Variants in DIS3L2 observed in about 807,000 individuals in gnomAD.
The protein encoded by DIS3L2 is DIS3 like 3'-5' exoribonuclease 2.
In DIS3L2, 34 loss-of-function variants were observed where a neutral mutation model predicts 97.5. The observed-to-expected ratio is 0.35, with a 90% CI of 0.27 to 0.46. The LOEUF is 0.46. Among genes scored for constraint, DIS3L2 ranks in the 20% least tolerant of loss-of-function variants. DIS3L2 has a pLI of 1.00. For synonymous variants in DIS3L2, 435 were observed against 445.2 expected (o/e 0.98, Z 0.29); for missense variants, 1,038 against 1,146.0 (o/e 0.91, Z 1.36).
intron 9 of DIS3L2, among the ~76,000 whole-genome samples, chr2:232,182,354 A>G (rs1447726172): frequency 6.6e-6 from 1 of 152,202 alleles, no homozygotes; most frequent in Admixed American, 6.5e-5. Context: ...GGTGTGGAGA[A>G]TGTTCCATAT....
At chr2:232,106,374 A>G (rs1477846239) in intron 6 of DIS3L2, among the ~76,000 whole-genome samples, 1 of 152,212 alleles carries the variant, frequency 6.6e-6, no homozygotes, top group African/African-American at 2.4e-5. Flanking sequence ...AGGAAGATTT[A>G]CCAAGCAAAT....
chr2:232,249,122 C>T (rs867847300), intron 11 of DIS3L2, 117 bp from the exon 12 acceptor site: 1 of 902,184 alleles, frequency 1.1e-6, no homozygotes, highest in Non-Finnish European at 1.7e-6. Flanking sequence ...GGAACAGAGC[C>T]ACCTCCATCT....
At chr2:232,270,860 GTCTCTCTCTCTCTCTCTCTCTCTCTC>G (rs71056262) in intron 13 of DIS3L2, among the ~76,000 whole-genome samples, 87 of 103,876 alleles carry the variant, frequency 8.4e-4, no homozygotes, top group African/African-American at 2.6e-3. Context: ...TCTTTTTCTC[GTCTCTCTCTCTCTCTCTCTCTCTCTC>G]TCTCTCTCTC....
At chr2:232,106,392 A>G (rs761469281) in intron 6 of DIS3L2, among the ~76,000 whole-genome samples, 4 of 152,354 alleles carry the variant, frequency 2.6e-5, no homozygotes, top group Non-Finnish European at 4.4e-5. Context: ...AATGGAAAAC[A>G]GAAGAAACCA....
At position 232,143,117 on chromosome 2, in the gene DIS3L2, C is replaced by G. The variant is rs75750824; in HGVS notation, c.950+6398C>G. Among the ~76,000 whole-genome samples, 1,001 of 152,206 alleles carry G rather than the reference C, an allele frequency of 6.6e-3. 16 individuals are homozygous for G. The highest frequency in any genetic ancestry group is 0.023 in the African/African-American group (970 of 41,532). ...ACACTAATCTTGACTATTTAATGTT[C>G]CTGTTTTCTTTAAGGCAAAGAGGCC... is the stretch of plus-strand genomic sequence containing the variant. On this transcript the variant is annotated intron_variant, in intron 8 of 20. Coordinates refer to ENST00000325385, the MANE Select transcript of DIS3L2 (RefSeq NM_152383.5).
At chr2:232,313,667 A>G (rs1346460490) in intron 14 of DIS3L2, among the ~76,000 whole-genome samples, 1 of 152,112 alleles carries the variant, frequency 6.6e-6, no homozygotes, top group Non-Finnish European at 1.5e-5. Flanking sequence ...GTAACCTCCT[A>G]CCCCAAATCT....
chr2:232,214,656 C>A (rs1692283827), intron 10 of DIS3L2, among the ~76,000 whole-genome samples: 1 of 152,154 alleles, frequency 6.6e-6, no homozygotes, highest in African/African-American at 2.4e-5. Context: ...ACTGCGCCTC[C>A]CTGGCTATCA....
chr2:232,130,879 C>A, intron 7 of DIS3L2, 160 bp downstream of exon 7: 7 of 1,077,516 alleles, frequency 6.5e-6, no homozygotes, highest in Non-Finnish European at 8.7e-6. Flanking sequence ...AAACTTTAAA[C>A]ATATAAATAC....
chr2:232,086,650 T>TATACAC (rs1696648830), intron 5 of DIS3L2, among the ~76,000 whole-genome samples: 1 of 48,650 alleles, frequency 2.1e-5, no homozygotes, highest in African/African-American at 1.2e-4. Context: ...TATATGTATA[T>TATACAC]ATATATATAT....
intron 5 of DIS3L2, among the ~76,000 whole-genome samples, chr2:232,052,110 G>A (rs1280547481): frequency 4.0e-5 from 6 of 151,116 alleles, no homozygotes; most frequent in East Asian, 3.9e-4. Flanking sequence ...TGCAACCTCC[G>A]TCTCCTGGTT....
chr2:232,330,585 T>G, intron 15 of DIS3L2, 105 bp from the exon 16 acceptor site: 1 of 1,165,482 alleles, frequency 8.6e-7, no homozygotes, highest in Non-Finnish European at 1.3e-6. Context: ...CACAGGCAAC[T>G]CCTCCCCCCA....
chr2:232,329,789 T>TGGGGGG, intron 14 of DIS3L2, 24 bp from the exon 15 acceptor site: 1 of 368,622 alleles, frequency 2.7e-6, no homozygotes, highest in Non-Finnish European at 5.1e-6. Flanking sequence ...CAGCGGTCCC[T>TGGGGGG]CCCATCCCAC....
At chr2:232,057,576 C>G (rs1041694201) in intron 5 of DIS3L2, among the ~76,000 whole-genome samples, 5 of 152,034 alleles carry the variant, frequency 3.3e-5, no homozygotes, top group African/African-American at 1.2e-4. Context: ...AGTTTTATAG[C>G]TCCAAGAAAA....
At position 232,086,645 on chromosome 2, in the gene DIS3L2, GTATATATATA is replaced by G. The variant is rs1308028353; in HGVS notation, c.367-836_367-827del. Reference sequence around the variant, plus strand: ...TATATATATACACATATATATATATGTATATATATATATATGTGTGTGTGTGTGTGTGTAT... The same window carrying G: ...TATATATATACACATATATATATATGTATATGTGTGTGTGTGTGTGTGTAT... On this transcript the variant is annotated intron_variant, in intron 5 of 20. Transcript: ENST00000325385. 6.8e-4 allele frequency among the ~76,000 whole-genome samples: 35 copies of G among 51,220 alleles called. 2 individuals are homozygous for G. Among genetic ancestry groups the G allele is most frequent in the African/African-American group, 8.4e-4 (8 of 9,494 alleles). The allele number at this position is 51,220 out of a possible 152,430, so 33.6% of individuals were successfully genotyped here. A position where few individuals can be genotyped will look rare whatever the true frequency, so the allele number is the denominator to read the frequency against.
intron 1 of DIS3L2, among the ~76,000 whole-genome samples, chr2:231,987,801 T>G (rs1167431928): frequency 6.6e-6 from 1 of 152,182 alleles, no homozygotes; most frequent in African/African-American, 2.4e-5. Context: ...AGTTGTACTT[T>G]GGTGTTTTGG....
At chr2:232,202,001 T>G (rs1488807685) in intron 9 of DIS3L2, among the ~76,000 whole-genome samples, 2 of 152,242 alleles carry the variant, frequency 1.3e-5, no homozygotes, top group Non-Finnish European at 2.9e-5. Flanking sequence ...TTTGAACATA[T>G]TTTCTGGGTT....
At chr2:231,991,701 G>A (rs1693588927) in intron 1 of DIS3L2, among the ~76,000 whole-genome samples, 1 of 152,174 alleles carries the variant, frequency 6.6e-6, no homozygotes, top group East Asian at 1.9e-4. Context: ...GTGACATTAG[G>A]CCGTAATAAA....
intron 14 of DIS3L2, 28 bp from the exon 15 acceptor site, chr2:232,329,785 T>TCCCCGGGGCCCCCC: frequency 1.2e-5 from 12 of 967,120 alleles, no homozygotes; most frequent in South Asian, 2.1e-5. Flanking sequence ...ACCCCAGCGG[T>TCCCCGGGGCCCCCC]CCCTCCCATC....
intron 13 of DIS3L2, among the ~76,000 whole-genome samples, chr2:232,286,369 A>G (rs1238496941): frequency 6.6e-6 from 1 of 151,936 alleles, no homozygotes; most frequent in Admixed American, 6.6e-5. Context: ...AAGGCTTTGA[A>G]GCATTGTATC....
Sources: allele counts gnomAD v4.1 joint callset (sites outside exome capture counted in the v4.1 genomes callset), GRCh38; gene constraint gnomAD v4.1.1; transcripts MANE v1.5; gene names NCBI Gene and HGNC (gene_info 2026-07-23, HGNC 2026-07-21).